The following SLC12A2 variants were observed in gnomAD, a reference collection of about 807,000 sequenced individuals.
The protein encoded by SLC12A2 is solute carrier family 12 member 2.
SLC12A2 carries 67 observed loss-of-function variants against 136.3 expected under a neutral mutation model. The ratio of observed to expected loss-of-function variants is 0.49; its 90% CI spans 0.40 to 0.60. The LOEUF (loss-of-function observed/expected upper bound fraction) is 0.60, where lower values mean the gene tolerates loss of function less well. Ranked by LOEUF, SLC12A2 falls within the 20% of genes least tolerant of loss-of-function variation. The probability of loss-of-function intolerance (pLI) is 0.00; values close to 1 mark genes in which losing one functional copy is unlikely to be tolerated. For missense variants in SLC12A2, 1,322 were observed against 1,534.7 expected, an observed-to-expected ratio of 0.86 and a Z score of 2.32; for synonymous variants, 619 against 562.9, an observed-to-expected ratio of 1.10 and a Z score of -1.41.
intron 18 of SLC12A2, chr5:128,170,375 T>A (rs1211919001): frequency 6.6e-6 from 1 of 152,236 alleles, no homozygotes; most frequent in African/African-American, 2.4e-5. Context: ...TAACTTTAGC[T>A]CATCATAGGA....
At chr5:128,094,587 A>G (rs2126644314) in intron 1 of SLC12A2, among the ~76,000 whole-genome samples, 1 of 152,038 alleles carries the variant, frequency 6.6e-6, no homozygotes, top group East Asian at 1.9e-4. Context: ...AAATGTTTTT[A>G]TATCCATTGA....
At chr5:128,132,247 G>A (rs1309810217) in intron 5 of SLC12A2, among the ~76,000 whole-genome samples, 4 of 152,036 alleles carry the variant, frequency 2.6e-5, no homozygotes, top group Non-Finnish European at 5.9e-5. Flanking sequence ...CATTTAGAAG[G>A]TTGTAGGTGT....
chr5:128,149,971 A>T (rs563137321), intron 12 of SLC12A2, 26 bp from the exon 13 acceptor site: 1 of 1,474,028 alleles, frequency 6.8e-7, no homozygotes, highest in Non-Finnish European at 9.5e-7. Context: ...ATACGTCAGT[A>T]AATCTCGCAT....
intron 12 of SLC12A2, 21 bp downstream of exon 12, chr5:128,148,898 GTTA>G (rs1378092447): frequency 1.9e-6 from 3 of 1,564,832 alleles, no homozygotes; most frequent in Non-Finnish European, 2.6e-6. Context: ...TAAATGGTGT[GTTA>G]TTGTAGATTT....
At chr5:128,119,926 A>T (rs1761491691) in intron 4 of SLC12A2, among the ~76,000 whole-genome samples, 1 of 152,186 alleles carries the variant, frequency 6.6e-6, no homozygotes, top group African/African-American at 2.4e-5. Flanking sequence ...CAGGCAACCT[A>T]CAGAATGGGA....
chr5:128,146,886 G>C (rs1164318948), intron 10 of SLC12A2, among the ~76,000 whole-genome samples: 1 of 151,604 alleles, frequency 6.6e-6, no homozygotes, highest in Non-Finnish European at 1.5e-5. Context: ...TTGATTAACT[G>C]TCTAGATAGA....
intron 10 of SLC12A2, 113 bp downstream of exon 10, chr5:128,142,094 AT>A: frequency 3.8e-5 from 34 of 890,498 alleles, no homozygotes; most frequent in Non-Finnish European, 4.7e-5. Flanking sequence ...GACAGTTGTT[AT>A]TTTTTTTAAT....
chr5:128,084,139 C>T lies in SLC12A2; in HGVS notation c.185C>T (p.Ala62Val). 1.5e-6 allele frequency: 2 copies of T among 1,297,042 alleles called. No homozygotes were observed. The highest frequency in any genetic ancestry group is 2.4e-5 in the South Asian group (1 of 42,406). The allele number at this position is 1,297,042 out of a possible 1,614,324, so 80.3% of individuals were successfully genotyped here. Residue 62 changes from alanine (A) to valine (V), a missense_variant, in exon 1 of 27, where the codon GCG (alanine) becomes GTG (valine). Physicochemically the swap from Ala to Val is moderately conservative, Grantham distance 64. Around this residue, in one of 8 missense-constraint regions of SLC12A2, gnomAD observed 358 missense variants for 299.7 expected, o/e 1.19. Transcript: ENST00000262461. This position sits in a 1 kb window ranked among gnomAD's most constrained non-coding sequence, Gnocchi z 5.6. ...GGCGGGGTCCGCGATGAGGGCCCCG[C>T]GGCGGCCGGGGACGGGCTGGGCAGA... ...DGGGVRDEGP[A>V]AAGDGLGRPL...
Position 128,151,300 on chromosome 5 carries a change from T to C in SLC12A2, c.2167T>C (p.Cys723Arg), listed in dbSNP as rs769329458. 6.2e-7 allele frequency: 1 copy of C among 1,612,708 alleles called. No individual in the cohort carries two copies. The highest frequency in any genetic ancestry group is 8.5e-7 in the Non-Finnish European group (1 of 1,179,302). Residue 723 changes from cysteine (C) to arginine (R), a missense_variant, in exon 14 of 27, where the codon TGT becomes CGT. Transcript: ENST00000262461. ...MWISLLGAIL[C>R]CIVMFVINWW... ...GATATCACTTCTTGGAGCAATTCTT[T>C]GTTGCATAGTAATGTTCGTCATTAA...
intron 14 of SLC12A2, among the ~76,000 whole-genome samples, chr5:128,152,072 T>C (rs973626924): frequency 5.9e-5 from 9 of 152,148 alleles, no homozygotes; most frequent in African/African-American, 2.2e-4. Flanking sequence ...CTGGGCTCAA[T>C]AGAATAGACT....
At chr5:128,136,327 T>C (rs1157682507) in intron 7 of SLC12A2, among the ~76,000 whole-genome samples, 1 of 152,176 alleles carries the variant, frequency 6.6e-6, no homozygotes, top group Non-Finnish European at 1.5e-5. Context: ...CGTGTCTCCT[T>C]CTCAGTCCAG....
At chr5:128,178,458 C>T (rs1763600819) in intron 21 of SLC12A2, 109 bp from the exon 22 acceptor site, 1 of 671,238 alleles carries the variant, frequency 1.5e-6, no homozygotes, top group Non-Finnish European at 2.3e-6. Context: ...TCTGAATTAT[C>T]TGTAGTATAA....
chr5:128,145,717 A>G (rs538775678), intron 10 of SLC12A2, among the ~76,000 whole-genome samples: 1 of 152,174 alleles, frequency 6.6e-6, no homozygotes, highest in Admixed American at 6.5e-5. Flanking sequence ...TTATGTGTAC[A>G]TGAAATCAGA....
chr5:128,102,593 C>A (rs200803040), intron 1 of SLC12A2, among the ~76,000 whole-genome samples: 1 of 48,988 alleles, frequency 2.0e-5, no homozygotes, highest in African/African-American at 7.9e-5. Context: ...CCCCCCCCCC[C>A]GCCTTTTTTT....
At chr5:128,116,391 A>G (rs1390474986) in intron 4 of SLC12A2, among the ~76,000 whole-genome samples, 1 of 30,172 alleles carries the variant, frequency 3.3e-5, no homozygotes, top group African/African-American at 2.3e-4. Context: ...GTGTGTATAT[A>G]TAAATATATA....
At chr5:128,129,701 G>A (rs1761945175) in intron 4 of SLC12A2, among the ~76,000 whole-genome samples, 1 of 152,074 alleles carries the variant, frequency 6.6e-6, no homozygotes, top group African/African-American at 2.4e-5. Context: ...ATATTCAGCT[G>A]TTTAATGACA....
chr5:128,147,711 T>C lies in SLC12A2; in HGVS notation c.1863T>C (p.Ser621=). 2 of 1,605,756 alleles carry C rather than the reference T, an allele frequency of 1.2e-6. No homozygotes were observed. Among genetic ancestry groups the C allele is most frequent in the East Asian group, 4.5e-5 (2 of 44,626 alleles). Residue 621 remains serine (S), a synonymous_variant, in exon 11 of 27, where the codon AGT becomes AGC. Transcript: ENST00000262461. ...TLSSALASLV[S]APKIFQALCK... is the part of the protein sequence containing the mutation. ...CTTCAGCATTAGCATCCCTAGTGAG[T>C]GCTCCCAAAATATTTCAGGTAAGTG...
intron 1 of SLC12A2, among the ~76,000 whole-genome samples, chr5:128,094,547 CT>C (rs1203395874): frequency 2.0e-5 from 3 of 150,820 alleles, no homozygotes; most frequent in Non-Finnish European, 3.0e-5. Context: ...ATTTTGGTGA[CT>C]TTTTTTTTCT....
chr5:128,130,093 A>G (rs1761959702), intron 4 of SLC12A2, among the ~76,000 whole-genome samples: 1 of 151,732 alleles, frequency 6.6e-6, no homozygotes, highest in Non-Finnish European at 1.5e-5. Context: ...TTAAGTAATT[A>G]AAATCATACC....
Sources: allele counts gnomAD v4.1 joint callset (sites outside exome capture counted in the v4.1 genomes callset), GRCh38; gene constraint gnomAD v4.1.1; regional missense constraint gnomAD v4.1.1; non-coding constraint Gnocchi (gnomAD v3.1); transcripts MANE v1.5; gene names NCBI Gene and HGNC (gene_info 2026-07-23, HGNC 2026-07-21).